The following LRRTM4 variants were observed in gnomAD, a reference collection of about 807,000 sequenced individuals.
LRRTM4 encodes the protein leucine rich repeat transmembrane neuronal 4.
LRRTM4 carries 25 observed loss-of-function variants against 47.6 expected under a neutral mutation model. That is an observed-to-expected ratio of 0.53 (90% CI 0.38 to 0.73). LRRTM4 has a LOEUF of 0.73. LRRTM4 is among the 30% of genes least tolerant of loss of function. The pLI is 0.00. For missense variants in LRRTM4, 638 were observed against 713.4 expected (o/e 0.89, Z 1.20); for synonymous variants, 311 against 269.5 (o/e 1.15, Z -1.51).
rs112656902 is a variant in LRRTM4, at chr2:77,335,532, G to C, written c.1551+182786C>G. Among the ~76,000 whole-genome samples the C allele has an allele frequency of 4.8e-3, 725 of 152,182 alleles. 5 individuals carry two copies. The highest frequency in any genetic ancestry group is 0.016 in the African/African-American group (679 of 41,540). ...TGCACCTACTCAGAAAGGCCCATGT[G>C]TATCTTACTATTTAAGCTGAACCTT... is the stretch of plus-strand genomic sequence containing the variant. On this transcript the variant is annotated intron_variant, in intron 3 of 3. Coordinates refer to ENST00000409884, the MANE Select transcript of LRRTM4 (RefSeq NM_001134745.3).
chr2:76,933,113 CAA>C (rs1674828266), intron 3 of LRRTM4, among the ~76,000 whole-genome samples: 3 of 151,970 alleles, frequency 2.0e-5, no homozygotes, highest in Non-Finnish European at 2.9e-5. Context: ...AACAGCAAGT[CAA>C]GTTAGGATAA....
chr2:76,873,504 G>T (rs1442856878), intron 3 of LRRTM4, among the ~76,000 whole-genome samples: 1 of 73,198 alleles, frequency 1.4e-5, no homozygotes, highest in African/African-American at 4.2e-5. Flanking sequence ...ATATATATGT[G>T]TGTATATATA....
At chr2:76,919,336 G>A (rs1674362006) in intron 3 of LRRTM4, among the ~76,000 whole-genome samples, 1 of 152,090 alleles carries the variant, frequency 6.6e-6, no homozygotes, top group Admixed American at 6.6e-5. Flanking sequence ...GTACCTCATG[G>A]CCCAAGGCCT....
At chr2:76,834,019 A>ATTAT (rs10644834) in intron 3 of LRRTM4, among the ~76,000 whole-genome samples, 39,498 of 140,236 alleles carry the variant, frequency 0.28, 5,807 homozygotes, top group Middle Eastern at 0.37. Context: ...TCATTTATTT[A>ATTAT]TTATTTATTT....
At chr2:76,865,872 A>C (rs371008349) in intron 3 of LRRTM4, among the ~76,000 whole-genome samples, 35 of 152,312 alleles carry the variant, frequency 2.3e-4, no homozygotes, top group African/African-American at 8.2e-4. Flanking sequence ...ACTAAAGCAC[A>C]CTTATCTCTA....
intron 3 of LRRTM4, chr2:77,517,134 G>A: frequency 2.0e-6 from 2 of 985,082 alleles, no homozygotes; most frequent in Non-Finnish European, 2.4e-6. Flanking sequence ...ACCAAGAAAA[G>A]AACAATTTAC....
At chr2:76,926,409 A>C (rs1198305655) in intron 3 of LRRTM4, among the ~76,000 whole-genome samples, 2 of 152,172 alleles carry the variant, frequency 1.3e-5, no homozygotes, top group Non-Finnish European at 2.9e-5. Flanking sequence ...TCTAGGTCTC[A>C]TCCTCTAATG....
intron 3 of LRRTM4, among the ~76,000 whole-genome samples, chr2:77,179,582 T>C (rs1673294696): frequency 6.6e-6 from 1 of 152,112 alleles, no homozygotes; most frequent in African/African-American, 2.4e-5. Context: ...ACTTAAGGTT[T>C]AGGGGTTTAA....
At chr2:77,045,125 T>C (rs1189145978) in intron 3 of LRRTM4, among the ~76,000 whole-genome samples, 3 of 151,892 alleles carry the variant, frequency 2.0e-5, no homozygotes, top group African/African-American at 7.2e-5. Context: ...GAGAAATGTT[T>C]ACCCAGCACA....
chr2:77,190,158 C>A (rs765685654), intron 3 of LRRTM4, among the ~76,000 whole-genome samples: 16 of 151,894 alleles, frequency 1.1e-4, no homozygotes, highest in Non-Finnish European at 2.2e-4. Flanking sequence ...ATCAATCATT[C>A]AATAAGATTT....
chr2:76,983,882 C>A (rs1201640791), intron 3 of LRRTM4, among the ~76,000 whole-genome samples: 1 of 152,012 alleles, frequency 6.6e-6, no homozygotes, highest in Non-Finnish European at 1.5e-5. Flanking sequence ...ATCGGTGATA[C>A]TGGGCCACAA....
At chr2:77,346,367 A>T (rs1051426554) in intron 3 of LRRTM4, among the ~76,000 whole-genome samples, 1 of 152,178 alleles carries the variant, frequency 6.6e-6, no homozygotes, top group Admixed American at 6.5e-5. Flanking sequence ...CTGATATATG[A>T]TCAATGTTTC....
chr2:76,795,874 CG>C (rs1421788547), intron 3 of LRRTM4, among the ~76,000 whole-genome samples: 1 of 151,904 alleles, frequency 6.6e-6, no homozygotes, highest in Admixed American at 6.6e-5. Flanking sequence ...ACGCAGAAGA[CG>C]GGTGATTTCT....
At chr2:77,144,846 A>G (rs1279162024) in intron 3 of LRRTM4, among the ~76,000 whole-genome samples, 1 of 152,190 alleles carries the variant, frequency 6.6e-6, no homozygotes, top group African/African-American at 2.4e-5. Flanking sequence ...AAGAGCAAAT[A>G]TATTGACAGA....
chr2:76,807,234 C>G (rs143683199), intron 3 of LRRTM4, among the ~76,000 whole-genome samples: 2 of 151,346 alleles, frequency 1.3e-5, no homozygotes, highest in Admixed American at 1.3e-4. Flanking sequence ...TTATAAAGTA[C>G]GACAAATTTT....
intron 3 of LRRTM4, among the ~76,000 whole-genome samples, chr2:76,824,133 T>C (rs1297604671): frequency 6.6e-6 from 1 of 151,596 alleles, no homozygotes; most frequent in East Asian, 1.9e-4. Flanking sequence ...AAATAATTCC[T>C]ATCTATAGAC....
In LRRTM4 at chr2:77,360,526, CG is replaced by C. The variant is rs879269069; in HGVS notation, c.1551+157791del. Reference sequence around the variant, plus strand: ...CGATACGATACGATACGATACGATACGATACGATACAATACAATCATTCATA... The same window carrying C: ...CGATACGATACGATACGATACGATACATACGATACAATACAATCATTCATA... On this transcript the variant is annotated intron_variant, in intron 3 of 3. Transcript: ENST00000409884. Among the ~76,000 whole-genome samples, 572 of 133,632 alleles carry C rather than the reference CG, an allele frequency of 4.3e-3. 3 individuals are homozygous for C. The highest frequency in any genetic ancestry group is 0.031 in the Middle Eastern group (8 of 256). 87.7% of individuals were successfully genotyped at this position (133,632 alleles called of 152,430 possible). A position where few individuals can be genotyped will look rare whatever the true frequency, so the allele number is the denominator to read the frequency against.
intron 3 of LRRTM4, among the ~76,000 whole-genome samples, chr2:77,464,765 T>C (rs77125229): frequency 0.018 from 2,719 of 152,208 alleles, 95 homozygotes; most frequent in East Asian, 0.12. Context: ...ATGAACCCTC[T>C]GCATCAGAAT....
chr2:77,169,594 T>C (rs1233204035), intron 3 of LRRTM4, among the ~76,000 whole-genome samples: 1 of 152,136 alleles, frequency 6.6e-6, no homozygotes, highest in Non-Finnish European at 1.5e-5. Flanking sequence ...ATTGTGGAAG[T>C]GGGTTCTTGA....
Sources: gnomAD v4.1 joint callset for allele counts (sites outside exome capture counted in the v4.1 genomes callset) on GRCh38, gnomAD v4.1.1 for gene constraint, MANE v1.5 for transcripts, NCBI Gene and HGNC (gene_info 2026-07-23, HGNC 2026-07-21) for gene names.